FIGN: variants seen among roughly 807,000 people sequenced by gnomAD.
FIGN encodes the protein fidgetin.
A neutral mutation model predicts 51.3 loss-of-function variants in FIGN; 11 were observed. That is an observed-to-expected ratio of 0.21 (90% CI 0.13 to 0.35). FIGN has a LOEUF of 0.35. Ranked by LOEUF, FIGN falls within the 10% of genes least tolerant of loss-of-function variation. The pLI is 1.00. For missense variants in FIGN, 857 were observed against 943.6 expected (o/e 0.91, Z 1.20); for synonymous variants, 407 against 363.2 (o/e 1.12, Z -1.37).
Position 163,610,939 on chromosome 2 carries a change from T to A in FIGN, c.893A>T (p.His298Leu), listed in dbSNP as rs757133510. Residue 298 changes from histidine to leucine, a missense_variant, in exon 3 of 3, where the codon CAT (histidine) becomes CTT (leucine). His to Leu is a moderately conservative substitution (Grantham distance 99). Transcript: ENST00000333129. ...TTVPGYTYQG[H>L]GLTPIAPSAL... ...CGACGGTGCAATAGGTGTCAAACCA[T>A]GGCCCTGGTAGGTGTAGCCAGGAAC... 2 of 1,605,682 alleles carry A rather than the reference T, an allele frequency of 1.2e-6. No homozygotes were observed. The highest frequency in any genetic ancestry group is 2.8e-5 in the African/African-American group (2 of 71,746).
chr2:163,684,211 T>C (rs1162073066), intron 2 of FIGN, among the ~76,000 whole-genome samples: 1 of 152,178 alleles, frequency 6.6e-6, no homozygotes, highest in African/African-American at 2.4e-5. Context: ...CAATATATTA[T>C]TCAGTCATTC....
chr2:163,704,654 T>TCACACA (rs1231822768), intron 2 of FIGN, among the ~76,000 whole-genome samples: 7 of 131,970 alleles, frequency 5.3e-5, no homozygotes, highest in African/African-American at 2.2e-4. Flanking sequence ...TCTCTCTCTC[T>TCACACA]CTCACACACA....
chr2:163,645,335 T>C (rs990241780), intron 2 of FIGN, among the ~76,000 whole-genome samples: 3 of 152,094 alleles, frequency 2.0e-5, no homozygotes, highest in African/African-American at 4.8e-5. Context: ...GGCCCTAGCA[T>C]TGCAACCAAA....
intron 2 of FIGN, among the ~76,000 whole-genome samples, chr2:163,676,479 A>ATATC (rs1683971751): frequency 2.3e-5 from 2 of 87,192 alleles, no homozygotes; most frequent in Admixed American, 1.2e-4. Context: ...ATATATATAT[A>ATATC]TATAACTAGA....
At chr2:163,725,642 C>T (rs1032854783) in intron 2 of FIGN, among the ~76,000 whole-genome samples, 4 of 151,746 alleles carry the variant, frequency 2.6e-5, no homozygotes, top group African/African-American at 9.7e-5. Flanking sequence ...TACTAGATAT[C>T]TTTAAAAATA....
At chr2:163,723,707 G>A (rs1223597957) in intron 2 of FIGN, among the ~76,000 whole-genome samples, 1 of 152,166 alleles carries the variant, frequency 6.6e-6, no homozygotes, top group African/African-American at 2.4e-5. Context: ...AATATTTTAA[G>A]GATTTGAGGT....
chr2:163,613,502 C>T (rs1682815770), intron 2 of FIGN, among the ~76,000 whole-genome samples: 1 of 152,034 alleles, frequency 6.6e-6, no homozygotes, highest in Non-Finnish European at 1.5e-5. Flanking sequence ...TGACTTACTG[C>T]GATAAACTGA....
rs774244177 is a variant in FIGN, at chr2:163,610,285, G to A, written c.1547C>T (p.Thr516Met). 4.3e-6 allele frequency: 7 copies of A among 1,614,006 alleles called. No homozygotes were observed. In the Admixed American group the frequency reaches 6.7e-5, roughly 15 times the overall value. Residue 516 changes from threonine to methionine, a missense_variant, in exon 3 of 3, where the codon ACG becomes ATG. Physicochemically the swap from Thr to Met is moderately conservative, Grantham distance 81. Around this residue, in one of 3 missense-constraint regions of FIGN, gnomAD observed 799 missense variants for 849.5 expected, o/e 0.94. Coordinates refer to ENST00000333129, the MANE Select transcript of FIGN (RefSeq NM_018086.4). ...VLRSDAFSGL[T>M]ALPRSILLFG... is the part of the protein sequence containing the mutation. ...TAAAAGGATGCTCCGAGGTAAGGCCGTCAGTCCACTGAACGCGTCTGACCT... is the reference window on the plus strand; with the variant it reads ...TAAAAGGATGCTCCGAGGTAAGGCCATCAGTCCACTGAACGCGTCTGACCT...
At chr2:163,612,493 G>A in intron 2 of FIGN, 1 of 985,152 alleles carries the variant, frequency 1.0e-6, no homozygotes. Context: ...AATCTCCCAG[G>A]CAGCGCTCCA....
In FIGN at chr2:163,682,361, C is replaced by A. The variant is rs77207725; in HGVS notation, c.25+52542G>T. On this transcript the variant is annotated intron_variant, in intron 2 of 2. Coordinates refer to ENST00000333129, the MANE Select transcript of FIGN (RefSeq NM_018086.4). ...TACTATTAGCAGGAGCATAAAATAA[C>A]AGTCTATAGCCGCAGGCAATCCAGT... is the stretch of plus-strand genomic sequence containing the variant. Among the ~76,000 whole-genome samples the A allele has an allele frequency of 8.6e-5, 13 of 151,910 alleles. No homozygotes were observed. The East Asian group carries it at 2.5e-3, about 30-fold the overall frequency.
intron 2 of FIGN, among the ~76,000 whole-genome samples, chr2:163,715,362 T>C (rs1240167957): frequency 6.6e-6 from 1 of 152,144 alleles, no homozygotes; most frequent in African/African-American, 2.4e-5. Flanking sequence ...ATTCGGGATT[T>C]TGAGCATGCC....
At chr2:163,714,394 AG>A (rs1381827540) in intron 2 of FIGN, among the ~76,000 whole-genome samples, 3 of 152,204 alleles carry the variant, frequency 2.0e-5, no homozygotes, top group Admixed American at 1.3e-4. Context: ...AATCACATCT[AG>A]GAAGCACAGA....
chr2:163,711,803 C>G (rs961283976), intron 2 of FIGN, among the ~76,000 whole-genome samples: 1 of 152,018 alleles, frequency 6.6e-6, no homozygotes, highest in African/African-American at 2.4e-5. Flanking sequence ...GAAAACTGAA[C>G]GTTAGATTAA....
At chr2:163,698,568 G>A (rs1435860767) in intron 2 of FIGN, among the ~76,000 whole-genome samples, 3 of 152,134 alleles carry the variant, frequency 2.0e-5, no homozygotes, top group Non-Finnish European at 2.9e-5. Context: ...GAGCTACAGA[G>A]TAGAACACCA....
In FIGN at chr2:163,708,322, T is replaced by C. The variant is rs531355650; in HGVS notation, c.25+26581A>G. On this transcript the variant is annotated intron_variant, in intron 2 of 2. Coordinates refer to ENST00000333129, the MANE Select transcript of FIGN (RefSeq NM_018086.4). ...TAAGACTGTTCCAATTAAATTTTAATTTTTAAAAATTAAGTACAAACTCAG... is the reference window on the plus strand; with the variant it reads ...TAAGACTGTTCCAATTAAATTTTAACTTTTAAAAATTAAGTACAAACTCAG... Among the ~76,000 whole-genome samples, 39 of 152,316 alleles carry C rather than the reference T, an allele frequency of 2.6e-4. No homozygotes were observed. The South Asian group carries it at 7.9e-3, about 31-fold the overall frequency.
intron 2 of FIGN, among the ~76,000 whole-genome samples, chr2:163,691,276 T>G (rs1461338002): frequency 6.6e-6 from 1 of 152,166 alleles, no homozygotes; most frequent in Non-Finnish European, 1.5e-5. Flanking sequence ...TTTAAAAAAT[T>G]GATACAATTA....
At chr2:163,638,604 T>A (rs1683261625) in intron 2 of FIGN, among the ~76,000 whole-genome samples, 1 of 152,166 alleles carries the variant, frequency 6.6e-6, no homozygotes, top group Admixed American at 6.6e-5. Flanking sequence ...AAATATCAAT[T>A]CCATTTGTTT....
intron 2 of FIGN, among the ~76,000 whole-genome samples, chr2:163,678,302 C>G (rs551452716): frequency 9.9e-5 from 15 of 152,148 alleles, no homozygotes. Flanking sequence ...CTCACTGCAA[C>G]CTCCACCTCC....
At chr2:163,636,580 C>T (rs539023903) in intron 2 of FIGN, among the ~76,000 whole-genome samples, 20 of 152,264 alleles carry the variant, frequency 1.3e-4, no homozygotes, top group Admixed American at 7.8e-4. Flanking sequence ...CCACTGCTCC[C>T]GACTCTAATG....
Sources: gnomAD v4.1 joint callset for allele counts (sites outside exome capture counted in the v4.1 genomes callset) on GRCh38, gnomAD v4.1.1 for gene constraint, gnomAD v4.1.1 regional missense constraint, MANE v1.5 for transcripts, NCBI Gene and HGNC (gene_info 2026-07-23, HGNC 2026-07-21) for gene names.